The following NAALADL2 variants were observed in gnomAD, a reference collection of about 807,000 sequenced individuals.
The protein encoded by NAALADL2 is N-acetylated alpha-linked acidic dipeptidase like 2.
Under a neutral mutation model 87.2 loss-of-function variants are expected in NAALADL2, and 76 were observed. The observed-to-expected ratio is 0.87, with a 90% CI of 0.72 to 1.05. The LOEUF is 1.05. Among genes scored for constraint, NAALADL2 ranks in the 50% least tolerant of loss-of-function variants. NAALADL2 has a pLI of 0.00. For synonymous variants in NAALADL2, 354 were observed against 331.0 expected, an observed-to-expected ratio of 1.07 and a Z score of -0.75; for missense variants, 1,089 against 945.8, an observed-to-expected ratio of 1.15 and a Z score of -1.99.
chr3:174,692,346 A>G (rs475289), intron 2 of NAALADL2, among the ~76,000 whole-genome samples: 55,569 of 152,044 alleles, frequency 0.37, 10,971 homozygotes, highest in Non-Finnish European at 0.43. Flanking sequence ...ATCACGCATA[A>G]TGAGCTCAGG....
At chr3:174,839,691 G>A (rs2075513565) in intron 3 of NAALADL2, among the ~76,000 whole-genome samples, 1 of 151,930 alleles carries the variant, frequency 6.6e-6, no homozygotes, top group Non-Finnish European at 1.5e-5. Flanking sequence ...CTAAGGACAT[G>A]AATAGACAAT....
intron 5 of NAALADL2, among the ~76,000 whole-genome samples, chr3:175,340,788 AT>A (rs1167013270): frequency 1.7e-4 from 26 of 152,198 alleles, no homozygotes; most frequent in Admixed American, 1.7e-3. Context: ...ATCAATAAGC[AT>A]TTCTCAAATG....
intron 5 of NAALADL2, among the ~76,000 whole-genome samples, chr3:175,440,510 C>G (rs559803456): frequency 6.6e-6 from 1 of 152,210 alleles, no homozygotes; most frequent in East Asian, 1.9e-4. Flanking sequence ...TTCTACCCAT[C>G]CATGATCATA....
chr3:175,177,836 A>AGTGTGTGT (rs1246314843), intron 2 of NAALADL2, among the ~76,000 whole-genome samples: 3 of 88,782 alleles, frequency 3.4e-5, no homozygotes, highest in East Asian at 3.9e-4. Context: ...GGTAGGGTAC[A>AGTGTGTGT]GTGTGTGTGT....
chr3:175,624,231 A>C (rs7627926), intron 10 of NAALADL2, among the ~76,000 whole-genome samples: 112,946 of 151,796 alleles, frequency 0.74, 42,613 homozygotes, highest in East Asian at 0.88. Context: ...GGATCTTGGA[A>C]GTGGCCTCAG....
rs113998547 is a variant in NAALADL2 at position 175,351,832 on chromosome 3, C to T, written c.1090+27507C>T. On this transcript the variant is annotated intron_variant, in intron 5 of 13. Transcript: ENST00000454872. ...AACAATGGGGGTTTTCCAGGAAGTTCCTAGTCATCCATTTGGGGGTGGCGA... is the reference window on the plus strand; with the variant it reads ...AACAATGGGGGTTTTCCAGGAAGTTTCTAGTCATCCATTTGGGGGTGGCGA... Among the ~76,000 whole-genome samples the T allele has an allele frequency of 3.9e-3, 591 of 152,038 alleles. 2 individuals carry two copies. Among genetic ancestry groups the T allele is most frequent in the African/African-American group, 0.014 (572 of 41,480 alleles).
intron 2 of NAALADL2, among the ~76,000 whole-genome samples, chr3:175,123,193 ATAG>A (rs1049423823): frequency 3.3e-5 from 5 of 152,104 alleles, no homozygotes; most frequent in African/African-American, 1.2e-4. Flanking sequence ...AATTTTTAAA[ATAG>A]GAAGGACAAA....
intron 1 of NAALADL2, among the ~76,000 whole-genome samples, chr3:174,879,842 G>A (rs181362509): frequency 5.9e-5 from 9 of 151,902 alleles, no homozygotes; most frequent in East Asian, 5.8e-4. Context: ...TCTTATCAGC[G>A]TCACTAATTA....
At chr3:174,800,806 T>C (rs1396569130) in intron 3 of NAALADL2, among the ~76,000 whole-genome samples, 1 of 152,214 alleles carries the variant, frequency 6.6e-6, no homozygotes, top group Non-Finnish European at 1.5e-5. Context: ...GGGAAGCCAC[T>C]TCTTGCATCA....
chr3:175,338,999 G>T (rs1762314464), intron 5 of NAALADL2, among the ~76,000 whole-genome samples: 1 of 152,174 alleles, frequency 6.6e-6, no homozygotes, highest in South Asian at 2.1e-4. Flanking sequence ...AGGGCAGGAG[G>T]AGTTTGAAAG....
intron 2 of NAALADL2, among the ~76,000 whole-genome samples, chr3:175,182,271 A>C (rs2108997694): frequency 6.6e-6 from 1 of 152,156 alleles, no homozygotes; most frequent in South Asian, 2.1e-4. Flanking sequence ...TGAATTGTTT[A>C]ACTTTCTTAT....
chr3:175,362,710 G>T (rs1019480147), intron 5 of NAALADL2, among the ~76,000 whole-genome samples: 3 of 148,106 alleles, frequency 2.0e-5, no homozygotes, highest in Non-Finnish European at 4.5e-5. Context: ...TGGTGGGATT[G>T]TTGGATCAAA....
chr3:175,423,863 C>G (rs1038395443), intron 5 of NAALADL2, among the ~76,000 whole-genome samples: 1 of 152,172 alleles, frequency 6.6e-6, no homozygotes, highest in African/African-American at 2.4e-5. Context: ...AATGGTTGAA[C>G]TAGTTTACAG....
chr3:174,765,655 G>C (rs1433175277), intron 3 of NAALADL2, among the ~76,000 whole-genome samples: 1 of 151,910 alleles, frequency 6.6e-6, no homozygotes, highest in African/African-American at 2.4e-5. Flanking sequence ...TTTATTTTTT[G>C]AATACAGGAT....
At chr3:175,093,463 G>A (rs1720545430) in intron 1 of NAALADL2, among the ~76,000 whole-genome samples, 1 of 142,210 alleles carries the variant, frequency 7.0e-6, no homozygotes, top group Admixed American at 7.1e-5. Flanking sequence ...AAACTATCAG[G>A]GCAGAGATTT....
At chr3:175,102,038 C>T (rs1291566932) in intron 2 of NAALADL2, among the ~76,000 whole-genome samples, 1 of 152,134 alleles carries the variant, frequency 6.6e-6, no homozygotes, top group Non-Finnish European at 1.5e-5. Flanking sequence ...ATTTCTTTAA[C>T]ACCTGCTTTA....
chr3:174,650,575 T>C (rs1251879819), intron 2 of NAALADL2, among the ~76,000 whole-genome samples: 1 of 152,138 alleles, frequency 6.6e-6, no homozygotes, highest in African/African-American at 2.4e-5. Flanking sequence ...ATCTTAAGAA[T>C]TTTTGTTTTC....
intron 5 of NAALADL2, among the ~76,000 whole-genome samples, chr3:175,366,795 C>A (rs1252451873): frequency 2.0e-5 from 3 of 151,242 alleles, no homozygotes; most frequent in Non-Finnish European, 4.4e-5. Context: ...AAAATTTTCT[C>A]CCATTTTGTA....
At chr3:175,484,811 T>A (rs1368903179) in intron 9 of NAALADL2, among the ~76,000 whole-genome samples, 1 of 152,128 alleles carries the variant, frequency 6.6e-6, no homozygotes, top group Non-Finnish European at 1.5e-5. Context: ...TTTCTTTGCT[T>A]TTTTGTCACA....
Sources: allele counts gnomAD v4.1 joint callset (sites outside exome capture counted in the v4.1 genomes callset), GRCh38; gene constraint gnomAD v4.1.1; transcripts MANE v1.5; gene names NCBI Gene and HGNC (gene_info 2026-07-23, HGNC 2026-07-21).